The following MACROD2 variants were observed in gnomAD, a reference collection of about 807,000 sequenced individuals.
The protein encoded by MACROD2 is mono-ADP ribosylhydrolase 2.
A neutral mutation model predicts 70.4 loss-of-function variants in MACROD2; 36 were observed. The ratio of observed to expected loss-of-function variants is 0.51; its 90% CI spans 0.39 to 0.68. The LOEUF is 0.68. Among genes scored for constraint, MACROD2 ranks in the 30% least tolerant of loss-of-function variants. The pLI is 0.00. For missense variants in MACROD2, 496 were observed against 538.4 expected (o/e 0.92, Z 0.78); for synonymous variants, 172 against 178.8 (o/e 0.96, Z 0.30).
chr20:15,905,668 A>G (rs978631707), intron 10 of MACROD2, among the ~76,000 whole-genome samples: 3 of 152,206 alleles, frequency 2.0e-5, no homozygotes, highest in Non-Finnish European at 4.4e-5. Flanking sequence ...AGGTATTGCT[A>G]TTTGAACAGT....
chr20:15,163,368 G>A (rs462394), intron 5 of MACROD2, among the ~76,000 whole-genome samples: 124,713 of 151,468 alleles, frequency 0.82, 51,703 homozygotes, highest in African/African-American at 0.93. Flanking sequence ...AAGATATGAT[G>A]TTATTAGACA....
At chr20:15,558,527 TC>T (rs1261734866) in intron 8 of MACROD2, among the ~76,000 whole-genome samples, 2 of 152,258 alleles carry the variant, frequency 1.3e-5, no homozygotes, top group African/African-American at 4.8e-5. Flanking sequence ...GTGCTGGGGT[TC>T]CCCCAACCCA....
rs1249462198 is a variant in MACROD2 at position 16,053,165 on chromosome 20, CA to C, written c.*3292del. 1 of 92,622 alleles carries C rather than the reference CA, an allele frequency of 1.1e-5. No homozygotes were observed. Among genetic ancestry groups the C allele is most frequent in the African/African-American group, 3.2e-5 (1 of 31,478 alleles). 5.7% of individuals were successfully genotyped at this position (92,622 alleles called of 1,614,324 possible). A position where few individuals can be genotyped will look rare whatever the true frequency, so the allele number is the denominator to read the frequency against. ...ATACTATATTTGTTAGAGCAGAATA[CA>C]AATAAAATTTGTTTGAGAGGATAAT... On this transcript the variant is annotated 3_prime_UTR_variant, in exon 18 of 18. Transcript: ENST00000684519.
intron 7 of MACROD2, among the ~76,000 whole-genome samples, chr20:15,475,157 A>G (rs1174633535): frequency 6.6e-6 from 1 of 152,330 alleles, no homozygotes; most frequent in Non-Finnish European, 1.5e-5. Context: ...GAGGATGTGC[A>G]TAGGTTGTAT....
intron 8 of MACROD2, among the ~76,000 whole-genome samples, chr20:15,689,905 C>T (rs1281798163): frequency 6.6e-6 from 1 of 152,210 alleles, no homozygotes; most frequent in African/African-American, 2.4e-5. Flanking sequence ...AAGGTGTTGT[C>T]CTCTGTGATA....
At chr20:14,967,285 C>G (rs529462000) in intron 5 of MACROD2, among the ~76,000 whole-genome samples, 3 of 152,234 alleles carry the variant, frequency 2.0e-5, no homozygotes, top group Non-Finnish European at 4.4e-5. Flanking sequence ...CTCCACCTCC[C>G]TGGATCAAGC....
Position 14,771,198 on chromosome 20 carries a change from CTT to C in MACROD2, c.418+86240_418+86241del, listed in dbSNP as rs148919469. Among the ~76,000 whole-genome samples, 718 of 152,174 alleles carry C rather than the reference CTT, an allele frequency of 4.7e-3. 13 individuals carry two copies. Among genetic ancestry groups the C allele is most frequent in the African/African-American group, 0.017 (689 of 41,486 alleles). On this transcript the variant is annotated intron_variant, in intron 5 of 17. Coordinates refer to ENST00000684519, the MANE Select transcript of MACROD2 (RefSeq NM_001351661.2). The stretch of plus-strand genomic sequence containing the variant: ...TTCTCCTGTTTTGACTGGTACTAGA[CTT>C]ATATCATCAGCCCTCCAGTTCTCAG...
chr20:14,287,315 G>A lies in MACROD2; in HGVS notation c.271+201587G>A, dbSNP rs149966988. On this transcript the variant is annotated intron_variant, in intron 3 of 17. Coordinates refer to ENST00000684519, the MANE Select transcript of MACROD2 (RefSeq NM_001351661.2). ...TGAATAGAGCTATTTGCCCTATTAG[G>A]ATTTTGTTCCTTGCTACCAAGTTGT... 2.8e-3 allele frequency among the ~76,000 whole-genome samples: 430 copies of A among 152,250 alleles called. 2 individuals carry two copies. Among genetic ancestry groups the A allele is most frequent in the African/African-American group, 9.7e-3 (404 of 41,552 alleles).
At position 14,016,155 on chromosome 20, in the gene MACROD2, C is replaced by T. The variant is rs543057465; in HGVS notation, c.163+13751C>T. ...CATGTTCTTGGCCATTATTTATTTTCTGTTTTGGTTTTGGTTGTTTGTGCT... is the reference window on the plus strand; with the variant it reads ...CATGTTCTTGGCCATTATTTATTTTTTGTTTTGGTTTTGGTTGTTTGTGCT... On this transcript the variant is annotated intron_variant, in intron 2 of 17. Transcript: ENST00000684519. 2.0e-5 allele frequency among the ~76,000 whole-genome samples: 3 copies of T among 152,244 alleles called. No individual in the cohort carries two copies. In the South Asian group the frequency reaches 6.2e-4, roughly 32 times the overall value.
intron 8 of MACROD2, among the ~76,000 whole-genome samples, chr20:15,752,932 G>C (rs978584650): frequency 6.6e-6 from 1 of 152,050 alleles, no homozygotes; most frequent in African/African-American, 2.4e-5. Context: ...ATTAGAATGG[G>C]AGAGGGAATG....
chr20:14,269,414 T>G (rs956450155), intron 3 of MACROD2, among the ~76,000 whole-genome samples: 28 of 152,202 alleles, frequency 1.8e-4, no homozygotes, highest in African/African-American at 6.3e-4. Flanking sequence ...AGGACAAGGA[T>G]ACTACCAGGA....
chr20:14,422,087 T>C (rs2083881888), intron 3 of MACROD2, among the ~76,000 whole-genome samples: 2 of 152,186 alleles, frequency 1.3e-5, no homozygotes, highest in South Asian at 4.1e-4. Context: ...TGGGGTTTTG[T>C]TGTTTGGCAC....
intron 2 of MACROD2, among the ~76,000 whole-genome samples, chr20:14,055,549 A>G (rs1338769817): frequency 6.6e-6 from 1 of 151,290 alleles, no homozygotes; most frequent in Non-Finnish European, 1.5e-5. Flanking sequence ...ACATTTGACT[A>G]TGAATCCTTA....
At chr20:14,310,536 A>G (rs770114638) in intron 3 of MACROD2, among the ~76,000 whole-genome samples, 7 of 152,208 alleles carry the variant, frequency 4.6e-5, no homozygotes, top group East Asian at 1.9e-4. Flanking sequence ...GTATAAAAGT[A>G]TAGCACATAC....
intron 5 of MACROD2, among the ~76,000 whole-genome samples, chr20:14,926,212 A>T (rs171315): frequency 0.51 from 77,767 of 151,816 alleles, 20,353 homozygotes; most frequent in South Asian, 0.71. Context: ...CATTATTTAA[A>T]CATTTTTGTT....
chr20:14,444,461 C>G (rs968459204), intron 3 of MACROD2, among the ~76,000 whole-genome samples: 1 of 151,920 alleles, frequency 6.6e-6, no homozygotes, highest in Non-Finnish European at 1.5e-5. Flanking sequence ...CAGTTTTTTT[C>G]TGATTCCTCC....
At chr20:14,876,743 T>G (rs1487233950) in intron 5 of MACROD2, among the ~76,000 whole-genome samples, 1 of 152,184 alleles carries the variant, frequency 6.6e-6, no homozygotes, top group Non-Finnish European at 1.5e-5. Context: ...TAATGGTTTT[T>G]GTCAACTTTG....
chr20:15,674,086 T>C (rs201212), intron 8 of MACROD2, among the ~76,000 whole-genome samples: 113,952 of 152,094 alleles, frequency 0.75, 43,068 homozygotes, highest in African/African-American at 0.84. Context: ...TTAGTAGGAT[T>C]TGGTGTTGGG....
chr20:14,501,231 G>T (rs2084911614), intron 4 of MACROD2, among the ~76,000 whole-genome samples: 1 of 151,944 alleles, frequency 6.6e-6, no homozygotes, highest in Admixed American at 6.6e-5. Context: ...ATATGTAATT[G>T]AATAGATGGG....
Sources: gnomAD v4.1 joint callset for allele counts (sites outside exome capture counted in the v4.1 genomes callset) on GRCh38, gnomAD v4.1.1 for gene constraint, MANE v1.5 for transcripts, NCBI Gene and HGNC (gene_info 2026-07-23, HGNC 2026-07-21) for gene names.